The following DCC variants were observed in gnomAD, a reference collection of about 807,000 sequenced individuals.
DCC encodes DCC netrin 1 receptor, also known as netrin receptor DCC.
A neutral mutation model predicts 172.5 loss-of-function variants in DCC; 58 were observed. That is an observed-to-expected ratio of 0.34 (90% confidence interval 0.27 to 0.42). The LOEUF (loss-of-function observed/expected upper bound fraction) is 0.42, where lower values mean the gene tolerates loss of function less well. Among genes scored for constraint, DCC ranks in the 10% least tolerant of loss-of-function variants. DCC has a pLI of 1.00. For synonymous variants in DCC, 709 were observed against 644.5 expected (o/e 1.10, Z -1.52); for missense variants, 1,740 against 1,791.0 (o/e 0.97, Z 0.51).
intron 12 of DCC, among the ~76,000 whole-genome samples, chr18:53,217,876 T>G (rs1280793574): frequency 6.6e-6 from 1 of 152,040 alleles, no homozygotes; most frequent in African/African-American, 2.4e-5. Flanking sequence ...ACAAGGTCTT[T>G]CTTTGTTGCC....
chr18:52,529,645 T>C lies in DCC; in HGVS notation c.91+188767T>C, dbSNP rs192118571. 3.4e-3 allele frequency among the ~76,000 whole-genome samples: 517 copies of C among 152,322 alleles called. 11 individuals are homozygous for C. Among genetic ancestry groups the C allele is most frequent in the African/African-American group, 0.012 (485 of 41,580 alleles). On this transcript the variant is annotated intron_variant, in intron 1 of 28. Transcript: ENST00000442544. ...ATTTCCTCAAGTTCTTCCAGGTTTC[T>C]TCAAAGTCCATTTCCTTTTCCTCAG...
intron 1 of DCC, among the ~76,000 whole-genome samples, chr18:52,459,397 G>C (rs1481013953): frequency 1.3e-5 from 2 of 151,938 alleles, no homozygotes; most frequent in African/African-American, 4.8e-5. Flanking sequence ...TTCCCTCTTT[G>C]TGTCCATATG....
At chr18:52,943,172 A>G (rs16955886) in intron 5 of DCC, among the ~76,000 whole-genome samples, 9,281 of 152,278 alleles carry the variant, frequency 0.061, 375 homozygotes, top group South Asian at 0.15. Context: ...AAATTTTACA[A>G]GCAATTAACT....
intron 1 of DCC, among the ~76,000 whole-genome samples, chr18:52,572,612 G>A (rs892932163): frequency 1.2e-4 from 19 of 152,286 alleles, no homozygotes; most frequent in African/African-American, 4.1e-4. Context: ...CTTTGAAGGC[G>A]TGCTAAGGGG....
chr18:53,083,949 T>G (rs2042841104), intron 7 of DCC, among the ~76,000 whole-genome samples: 1 of 152,230 alleles, frequency 6.6e-6, no homozygotes, highest in African/African-American at 2.4e-5. Flanking sequence ...TCTCCGAATT[T>G]CCCTCTCTTT....
chr18:53,447,609 T>C (rs1331309739), intron 22 of DCC, among the ~76,000 whole-genome samples: 1 of 152,206 alleles, frequency 6.6e-6, no homozygotes, highest in African/African-American at 2.4e-5. Flanking sequence ...AGGTGTACTG[T>C]TATGTATGAT....
intron 11 of DCC, among the ~76,000 whole-genome samples, chr18:53,210,733 CAT>C (rs1407196979): frequency 1.1e-4 from 17 of 152,038 alleles, no homozygotes; most frequent in South Asian, 4.2e-4. Flanking sequence ...TATATTGAGA[CAT>C]AGAAAAATTT....
intron 5 of DCC, among the ~76,000 whole-genome samples, chr18:53,047,275 T>C (rs1246524274): frequency 4.7e-5 from 1 of 21,210 alleles, no homozygotes; most frequent in Non-Finnish European, 8.9e-5. Context: ...TATATATATA[T>C]ATATATATAT....
chr18:52,881,400 G>T (rs970989282), intron 2 of DCC, among the ~76,000 whole-genome samples: 2 of 152,008 alleles, frequency 1.3e-5, no homozygotes, highest in Non-Finnish European at 2.9e-5. Context: ...TATGCTTATG[G>T]GATGTTACTC....
At chr18:52,524,722 G>T (rs1037763945) in intron 1 of DCC, among the ~76,000 whole-genome samples, 1 of 152,188 alleles carries the variant, frequency 6.6e-6, no homozygotes, top group African/African-American at 2.4e-5. Flanking sequence ...GAGTATGCCT[G>T]CTGTTCATCC....
rs531946342 is a variant in DCC, at chr18:53,321,944, C to T, written c.2054-103C>T. 1.4e-5 allele frequency: 11 copies of T among 774,122 alleles called. No individual in the cohort carries two copies. The African/African-American group carries it at 1.9e-4, about 13-fold the overall frequency. The allele number at this position is 774,122 out of a possible 1,614,324, so 48.0% of individuals were successfully genotyped here. ...CACAACAGTCACAAACAATGTAAAG[C>T]ATGTCCACTATTGTTACAATTTTGC... is the stretch of plus-strand genomic sequence containing the variant. On this transcript the variant is annotated intron_variant, in intron 13 of 28. Coordinates refer to ENST00000442544, the MANE Select transcript of DCC (RefSeq NM_005215.4).
chr18:52,745,644 C>T (rs1333936631), intron 1 of DCC, among the ~76,000 whole-genome samples: 1 of 152,168 alleles, frequency 6.6e-6, no homozygotes, highest in Non-Finnish European at 1.5e-5. Context: ...GGGTTGGGAA[C>T]ATTCAAAATC....
At chr18:53,341,246 G>C (rs2057656057) in intron 15 of DCC, among the ~76,000 whole-genome samples, 1 of 152,144 alleles carries the variant, frequency 6.6e-6, no homozygotes, top group Non-Finnish European at 1.5e-5. Context: ...GGCAGTAAAT[G>C]GCTCCCAGGC....
intron 1 of DCC, among the ~76,000 whole-genome samples, chr18:52,489,260 T>C (rs1286141326): frequency 1.3e-5 from 2 of 152,010 alleles, no homozygotes; most frequent in African/African-American, 4.8e-5. Context: ...AAAGTATAGA[T>C]TTAGATTCCT....
At chr18:52,453,650 T>TC (rs1432850291) in intron 1 of DCC, among the ~76,000 whole-genome samples, 3 of 152,214 alleles carry the variant, frequency 2.0e-5, no homozygotes, top group Non-Finnish European at 4.4e-5. Context: ...ATCTGTGCCT[T>TC]TAACCCTCTA....
intron 5 of DCC, among the ~76,000 whole-genome samples, chr18:53,026,098 C>T (rs2041951910): frequency 6.6e-6 from 1 of 151,840 alleles, no homozygotes; most frequent in South Asian, 2.1e-4. Context: ...TATCCAAGAA[C>T]ATTTAAAAAC....
intron 12 of DCC, among the ~76,000 whole-genome samples, chr18:53,297,799 C>G (rs1394278589): frequency 6.6e-6 from 1 of 152,196 alleles, no homozygotes; most frequent in Non-Finnish European, 1.5e-5. Context: ...AATTTGGAGC[C>G]TCCAGCTGTA....
intron 7 of DCC, among the ~76,000 whole-genome samples, chr18:53,128,939 T>G (rs377524534): frequency 6.8e-6 from 1 of 146,556 alleles, no homozygotes; most frequent in Admixed American, 6.9e-5. Flanking sequence ...CGGGCTGGAG[T>G]GCAGTGGTGC....
chr18:52,917,365 T>G (rs544716660), intron 3 of DCC, among the ~76,000 whole-genome samples: 1 of 152,202 alleles, frequency 6.6e-6, no homozygotes, highest in Admixed American at 6.5e-5. Flanking sequence ...TAAAAATCTG[T>G]TTTGATTTTT....
Sources: gnomAD v4.1 joint callset for allele counts (sites outside exome capture counted in the v4.1 genomes callset) on GRCh38, gnomAD v4.1.1 for gene constraint, MANE v1.5 for transcripts, NCBI Gene and HGNC (gene_info 2026-07-23, HGNC 2026-07-21) for gene names.